MBD2: variants seen among roughly 807,000 people sequenced by gnomAD.
MBD2 encodes methyl-CpG binding domain protein 2, also known as methyl-CpG-binding domain protein 2.
A neutral mutation model predicts 39.3 loss-of-function variants in MBD2; 9 were observed. The ratio of observed to expected loss-of-function variants is 0.23; its 90% CI spans 0.14 to 0.40. The LOEUF (loss-of-function observed/expected upper bound fraction) is 0.40. Ranked by LOEUF, MBD2 falls within the 10% of genes least tolerant of loss-of-function variation. The probability of loss-of-function intolerance (pLI) is 1.00; values close to 1 mark genes in which losing one functional copy is unlikely to be tolerated. For synonymous variants in MBD2, 233 were observed against 211.1 expected (o/e 1.10, Z -0.90); for missense variants, 458 against 532.6 (o/e 0.86, Z 1.38).
intron 3 of MBD2, among the ~76,000 whole-genome samples, chr18:54,185,843 C>T (rs976273052): frequency 7.9e-5 from 12 of 152,166 alleles, no homozygotes; most frequent in Admixed American, 2.6e-4. Flanking sequence ...TTACAAATTC[C>T]ATCACTACCT....
intron 3 of MBD2, among the ~76,000 whole-genome samples, chr18:54,180,897 C>CTGTTTTTTTTTTTTTTTTTTTTTTT (rs2086246259): frequency 9.5e-6 from 1 of 105,372 alleles, no homozygotes; most frequent in African/African-American, 3.9e-5. Context: ...TTAATTTTTT[C>CTGTTTTTTTTTTTTTTTTTTTTTTT]TTTTTCTTTT....
intron 1 of MBD2, among the ~76,000 whole-genome samples, chr18:54,211,937 C>A (rs1185581516): frequency 2.6e-5 from 4 of 151,836 alleles, no homozygotes; most frequent in Non-Finnish European, 5.9e-5. Flanking sequence ...CTCACTGCAA[C>A]CTCCGTCTCC....
At chr18:54,161,750 C>T (rs189295459) in intron 5 of MBD2, among the ~76,000 whole-genome samples, 312 of 152,348 alleles carry the variant, frequency 2.0e-3, no homozygotes, top group African/African-American at 7.2e-3. Context: ...AACAGTCCCT[C>T]TTCCCCAAAA....
In MBD2 at chr18:54,224,363, T is replaced by C; in HGVS notation, c.197A>G (p.Gln66Arg). The C allele has an allele frequency of 8.5e-7, 1 of 1,180,206 alleles. No homozygotes were observed. The highest frequency in any genetic ancestry group is 1.0e-6 in the Non-Finnish European group (1 of 954,948). The allele number at this position is 1,180,206 out of a possible 1,614,324, so 73.1% of individuals were successfully genotyped here. A position where few individuals can be genotyped will look rare whatever the true frequency, so the allele number is the denominator to read the frequency against. The change falls in exon 1 of 7, where the codon CAG becomes CGG. Residue 66 changes from glutamine to arginine, a missense_variant. Around this residue, in one of 2 missense-constraint regions of MBD2, gnomAD observed 269 missense variants for 236.0 expected, o/e 1.14. Coordinates refer to ENST00000256429, the MANE Select transcript of MBD2 (RefSeq NM_003927.5). ...GGGRGRGRWK[Q>R]AGRGGGVCGR... Reference sequence around the variant, plus strand: ...ACAGACGCCGCCGCCCCGGCCCGCCTGCTTCCACCGCCCCCGGCCACGGCC... The same window carrying C: ...ACAGACGCCGCCGCCCCGGCCCGCCCGCTTCCACCGCCCCCGGCCACGGCC...
At chr18:54,167,455 G>A (rs2086142533) in intron 3 of MBD2, among the ~76,000 whole-genome samples, 1 of 152,132 alleles carries the variant, frequency 6.6e-6, no homozygotes, top group Admixed American at 6.6e-5. Flanking sequence ...GATTACTGTG[G>A]GAGTTAAATA....
rs376249535 is a variant in MBD2, at chr18:54,166,384, C to A, written c.841-218G>T. 5.4e-4 allele frequency among the ~76,000 whole-genome samples: 82 copies of A among 152,270 alleles called. 1 individual carries two copies. In the South Asian group the frequency reaches 0.013, roughly 25 times the overall value. On this transcript the variant is annotated intron_variant, in intron 3 of 6. Coordinates refer to ENST00000256429, the MANE Select transcript of MBD2 (RefSeq NM_003927.5). ...GCTCAAAAAAGGTTGTTTTACATAA[C>A]CTATTCACTTGTTACAATACTATAG...
rs1322093635 is a variant in MBD2, at chr18:54,215,489, A to AT, written c.542+8528dup. On this transcript the variant is annotated intron_variant, in intron 1 of 6. Coordinates refer to ENST00000256429, the MANE Select transcript of MBD2 (RefSeq NM_003927.5). ...ATACAAAAGCAATTTCTGAGGATAG[A>AT]TTTTTTTTTTTTTTTTTTTGAGATG... 7.2e-3 allele frequency among the ~76,000 whole-genome samples: 1,006 copies of AT among 139,268 alleles called. 15 individuals carry two copies. The highest frequency in any genetic ancestry group is 0.018 in the African/African-American group (679 of 36,976). The allele number at this position is 139,268 out of a possible 152,430, so 91.4% of individuals were successfully genotyped here.
intron 1 of MBD2, among the ~76,000 whole-genome samples, chr18:54,209,228 C>T (rs1211503221): frequency 1.4e-4 from 19 of 134,194 alleles, no homozygotes; most frequent in Admixed American, 1.4e-3. Context: ...ACCTGGGAGG[C>T]GGAGGTTGCA....
At chr18:54,180,897 C>CCTTTTTTTTTTTTTTTTTTTTTT (rs2086246150) in intron 3 of MBD2, among the ~76,000 whole-genome samples, 2 of 105,372 alleles carry the variant, frequency 1.9e-5, no homozygotes, top group African/African-American at 7.8e-5. Context: ...TTAATTTTTT[C>CCTTTTTTTTTTTTTTTTTTTTTT]TTTTTCTTTT....
At chr18:54,211,217 CACTT>C (rs2086503441) in intron 1 of MBD2, among the ~76,000 whole-genome samples, 4 of 152,078 alleles carry the variant, frequency 2.6e-5, no homozygotes, top group Non-Finnish European at 5.9e-5. Context: ...ACTTACTTCT[CACTT>C]ACAACAGTAA....
intron 3 of MBD2, among the ~76,000 whole-genome samples, chr18:54,174,268 A>T (rs2086196213): frequency 6.6e-6 from 1 of 152,228 alleles, no homozygotes; most frequent in Non-Finnish European, 1.5e-5. Flanking sequence ...AAATGGAGGA[A>T]GCAAAATCAT....
At chr18:54,213,430 C>T (rs908298233) in intron 1 of MBD2, among the ~76,000 whole-genome samples, 2 of 152,164 alleles carry the variant, frequency 1.3e-5, no homozygotes, top group Non-Finnish European at 2.9e-5. Context: ...ATGGAAAAAC[C>T]GTCTTCCATG....
intron 6 of MBD2, among the ~76,000 whole-genome samples, chr18:54,156,968 G>C (rs2086056461): frequency 6.6e-6 from 1 of 152,106 alleles, no homozygotes. Context: ...AAAAAGCCCT[G>C]ACAGAAGAGA....
intron 3 of MBD2, among the ~76,000 whole-genome samples, chr18:54,177,574 G>A (rs983880890): frequency 6.6e-6 from 1 of 151,518 alleles, no homozygotes; most frequent in African/African-American, 2.4e-5. Context: ...TCCGCCTCCC[G>A]CGTTCACGCC....
At chr18:54,210,306 A>G (rs542283530) in intron 1 of MBD2, among the ~76,000 whole-genome samples, 2 of 152,344 alleles carry the variant, frequency 1.3e-5, no homozygotes, top group South Asian at 4.1e-4. Flanking sequence ...AATAACAAAA[A>G]AAAAGTAATT....
chr18:54,200,311 TA>T (rs2086396455), intron 2 of MBD2, among the ~76,000 whole-genome samples: 1 of 152,244 alleles, frequency 6.6e-6, no homozygotes, highest in Admixed American at 6.5e-5. Flanking sequence ...TATGTCACAT[TA>T]AATTAATGTT....
chr18:54,194,183 TA>T lies in MBD2; in HGVS notation c.703-5173del, dbSNP rs1330022538. ...AGCAAGAATATTTCATATTTTAATG[TA>T]ATCAGTTGCAAAGGATGCACTTACC... On this transcript the variant is annotated intron_variant, in intron 2 of 6. Transcript: ENST00000256429. Among the ~76,000 whole-genome samples the T allele has an allele frequency of 2.6e-4, 40 of 151,642 alleles. No individual in the cohort carries two copies. In the Middle Eastern group the frequency reaches 0.01, roughly 39 times the overall value.
chr18:54,202,751 G>A (rs2086417174), intron 2 of MBD2: 5 of 1,443,204 alleles, frequency 3.5e-6, no homozygotes, highest in East Asian at 2.5e-5. Context: ...GAGGTGGATG[G>A]TAAATCAAAT....
intron 1 of MBD2, among the ~76,000 whole-genome samples, chr18:54,210,794 A>AGT (rs2086497891): frequency 6.6e-6 from 1 of 152,128 alleles, no homozygotes; most frequent in Non-Finnish European, 1.5e-5. Flanking sequence ...GAATAATAAA[A>AGT]ATCTCCACAC....
Sources: gnomAD v4.1 joint callset for allele counts (sites outside exome capture counted in the v4.1 genomes callset) on GRCh38, gnomAD v4.1.1 for gene constraint, gnomAD v4.1.1 regional missense constraint, MANE v1.5 for transcripts, NCBI Gene and HGNC (gene_info 2026-07-23, HGNC 2026-07-21) for gene names.